MARCHF1: variants seen among roughly 807,000 people sequenced by gnomAD.
MARCHF1 encodes the protein membrane associated ring-CH-type finger 1, also known as E3 ubiquitin-protein ligase MARCHF1.
Under a neutral mutation model 54.2 loss-of-function variants are expected in MARCHF1, and 40 were observed. That is an observed-to-expected ratio of 0.74 (90% CI 0.57 to 0.96). MARCHF1 has a LOEUF of 0.96. MARCHF1 is among the 40% of genes least tolerant of loss of function. The pLI, the probability that MARCHF1 is intolerant of heterozygous loss-of-function variation, is 0.00. For synonymous variants in MARCHF1, 236 were observed against 236.3 expected (o/e 1.00, Z 0.01); for missense variants, 586 against 656.5 (o/e 0.89, Z 1.17).
In MARCHF1 at chr4:163,989,604, G is replaced by A. The variant is rs1431669829; in HGVS notation, c.-247-895C>T. ...TTATACAATTTGGAAGAAGTAAATG[G>A]TTAATCAGAACTTCTGCTTTTTAAA... On this transcript the variant is annotated intron_variant, in intron 2 of 9. Coordinates refer to ENST00000514618, the MANE Select transcript of MARCHF1 (RefSeq NM_001394959.1). 6.6e-5 allele frequency among the ~76,000 whole-genome samples: 10 copies of A among 152,222 alleles called. No homozygotes were observed. The East Asian group carries it at 1.9e-3, about 29-fold the overall frequency.
intron 4 of MARCHF1, among the ~76,000 whole-genome samples, chr4:163,789,261 C>A (rs942837733): frequency 2.0e-5 from 3 of 151,928 alleles, no homozygotes; most frequent in Admixed American, 6.6e-5. Flanking sequence ...ACTTAAAGAT[C>A]ATTTTTGTAA....
At chr4:163,748,907 G>A (rs1456536316) in intron 4 of MARCHF1, among the ~76,000 whole-genome samples, 1 of 152,230 alleles carries the variant, frequency 6.6e-6, no homozygotes, top group African/African-American at 2.4e-5. Flanking sequence ...CATAGGTTGT[G>A]AGGGCTCTTC....
At chr4:164,039,553 T>G (rs927307514) in intron 2 of MARCHF1, among the ~76,000 whole-genome samples, 1 of 152,196 alleles carries the variant, frequency 6.6e-6, no homozygotes, top group Non-Finnish European at 1.5e-5. Context: ...CAAAGGGACC[T>G]ATTCATTGGA....
chr4:164,042,685 A>G (rs1754154519), intron 2 of MARCHF1, among the ~76,000 whole-genome samples: 1 of 152,142 alleles, frequency 6.6e-6, no homozygotes, highest in South Asian at 2.1e-4. Context: ...CCCCAGTCTT[A>G]ATTCATTTCA....
chr4:163,903,842 CTGAGCTCAAG>C (rs1274095965), intron 3 of MARCHF1, among the ~76,000 whole-genome samples: 1 of 152,102 alleles, frequency 6.6e-6, no homozygotes. Context: ...TCTCAAACTC[CTGAGCTCAAG>C]TGAGCTGCCT....
chr4:164,263,018 G>A (rs1733509632), intron 1 of MARCHF1, among the ~76,000 whole-genome samples: 1 of 152,172 alleles, frequency 6.6e-6, no homozygotes, highest in African/African-American at 2.4e-5. Context: ...CTTCAGGAAG[G>A]GGAGAGAGGA....
At chr4:164,142,544 A>AC (rs1453696044) in intron 1 of MARCHF1, among the ~76,000 whole-genome samples, 1 of 151,832 alleles carries the variant, frequency 6.6e-6, no homozygotes, top group Non-Finnish European at 1.5e-5. Context: ...ACTGGGAGGC[A>AC]CCCCCCAGCA....
intron 1 of MARCHF1, among the ~76,000 whole-genome samples, chr4:164,161,536 T>TCAGCAG (rs954379757): frequency 4.7e-5 from 7 of 150,014 alleles, no homozygotes; most frequent in African/African-American, 1.7e-4. Flanking sequence ...ATCATCATCA[T>TCAGCAG]CATCATCATC....
chr4:164,260,899 T>C (rs1203293388), intron 1 of MARCHF1, among the ~76,000 whole-genome samples: 1 of 152,194 alleles, frequency 6.6e-6, no homozygotes, highest in Admixed American at 6.5e-5. Flanking sequence ...TGTAAACAAA[T>C]AATGATGAGA....
intron 1 of MARCHF1, among the ~76,000 whole-genome samples, chr4:164,316,100 TAAGAC>T (rs1198607924): frequency 2.0e-5 from 3 of 152,172 alleles, no homozygotes; most frequent in Non-Finnish European, 4.4e-5. Flanking sequence ...TATAAAGTGA[TAAGAC>T]AAGTGTCTGC....
In MARCHF1 at chr4:163,734,235, TAA is replaced by T. The variant is rs573017482; in HGVS notation, c.112-33374_112-33373del. Among the ~76,000 whole-genome samples, 9 of 152,278 alleles carry T rather than the reference TAA, an allele frequency of 5.9e-5. No individual in the cohort carries two copies. The South Asian group carries it at 1.9e-3, about 32-fold the overall frequency. ...CTCACATACTGTTGGTGAGAATGTATAAAGAGACAGCTACTTTGGAAAATAGT... is the reference window on the plus strand; with the variant it reads ...CTCACATACTGTTGGTGAGAATGTATAGAGACAGCTACTTTGGAAAATAGT... On this transcript the variant is annotated intron_variant, in intron 4 of 9. Coordinates refer to ENST00000514618, the MANE Select transcript of MARCHF1 (RefSeq NM_001394959.1).
At chr4:163,827,591 T>C (rs1480509456) in intron 4 of MARCHF1, among the ~76,000 whole-genome samples, 3 of 152,158 alleles carry the variant, frequency 2.0e-5, no homozygotes, top group Middle Eastern at 3.2e-3. Flanking sequence ...CACCCCTCTG[T>C]GTAGCTTAGC....
At chr4:164,056,342 G>T (rs1348018345) in intron 2 of MARCHF1, among the ~76,000 whole-genome samples, 1 of 152,116 alleles carries the variant, frequency 6.6e-6, no homozygotes, top group Non-Finnish European at 1.5e-5. Flanking sequence ...ATATTCCAGC[G>T]ATCCTGCTGT....
chr4:164,033,625 G>C (rs571151419), intron 2 of MARCHF1, among the ~76,000 whole-genome samples: 1 of 152,048 alleles, frequency 6.6e-6, no homozygotes, highest in Non-Finnish European at 1.5e-5. Flanking sequence ...TATATGAACA[G>C]GCACTTCTCA....
Position 164,190,361 on chromosome 4 carries a change from A to G in MARCHF1, c.-322-78699T>C. On this transcript the variant is annotated intron_variant, in intron 1 of 9. Coordinates refer to ENST00000514618, the MANE Select transcript of MARCHF1 (RefSeq NM_001394959.1). ...GACACAGATCTGCTACTGCTGTAAT[A>G]TTGTAAATACTGGACTCAGGAACTT... The G allele has an allele frequency of 5.0e-6, 3 of 596,218 alleles. No homozygotes were observed. In the South Asian group the frequency reaches 7.4e-5, roughly 15 times the overall value. 36.9% of individuals were successfully genotyped at this position (596,218 alleles called of 1,614,324 possible). A position where few individuals can be genotyped will look rare whatever the true frequency, so the allele number is the denominator to read the frequency against.
intron 1 of MARCHF1, among the ~76,000 whole-genome samples, chr4:164,300,831 G>A (rs920338665): frequency 4.6e-5 from 7 of 152,150 alleles, no homozygotes; most frequent in East Asian, 3.8e-4. Context: ...CAACAAGTAC[G>A]TCAATGCACC....
At chr4:163,767,201 C>A (rs1053908517) in intron 4 of MARCHF1, among the ~76,000 whole-genome samples, 1 of 151,668 alleles carries the variant, frequency 6.6e-6, no homozygotes, top group Non-Finnish European at 1.5e-5. Flanking sequence ...CACTCATTCC[C>A]ATGGGAAGAA....
chr4:163,566,940 C>T (rs1270242255), intron 8 of MARCHF1, among the ~76,000 whole-genome samples: 7 of 152,168 alleles, frequency 4.6e-5, no homozygotes, highest in Non-Finnish European at 8.8e-5. Context: ...TGCTTTACTA[C>T]GTTCTTCTAC....
intron 2 of MARCHF1, among the ~76,000 whole-genome samples, chr4:164,108,990 T>A (rs1755771421): frequency 6.6e-6 from 1 of 151,858 alleles, no homozygotes; most frequent in African/African-American, 2.4e-5. Context: ...AAGCAAGGGG[T>A]CTATTTTAAT....
Sources: allele counts gnomAD v4.1 joint callset (sites outside exome capture counted in the v4.1 genomes callset), GRCh38; gene constraint gnomAD v4.1.1; transcripts MANE v1.5; gene names NCBI Gene and HGNC (gene_info 2026-07-23, HGNC 2026-07-21).